Variants in PMEL observed in about 807,000 individuals in gnomAD.
The protein encoded by PMEL is melanocyte protein PMEL.
Under a neutral mutation model 64.9 loss-of-function variants are expected in PMEL, and 53 were observed. That is an observed-to-expected ratio of 0.82 (90% CI 0.66 to 1.03). The LOEUF is 1.03. PMEL is among the 50% of genes least tolerant of loss of function. The pLI is 0.00. For missense variants in PMEL, 716 were observed against 814.9 expected (o/e 0.88, Z 1.48); for synonymous variants, 299 against 316.2 (o/e 0.95, Z 0.58).
chr12:55,965,182 C>A (rs1329932604), intron 1 of PMEL, among the ~76,000 whole-genome samples: 1 of 152,182 alleles, frequency 6.6e-6, no homozygotes, highest in Non-Finnish European at 1.5e-5. Flanking sequence ...CTGCTTCAGC[C>A]TCCCAAAGTG....
chr12:55,957,096 C>T lies in PMEL; in HGVS notation c.1207G>A (p.Ala403Thr), dbSNP rs1218604268. 1.2e-6 allele frequency: 2 copies of T among 1,614,096 alleles called. No homozygotes were observed. The highest frequency in any genetic ancestry group is 2.2e-5 in the East Asian group (1 of 44,902). The change falls in exon 6 of 11, where the codon GCA becomes ACA. Residue 403 changes from alanine to threonine, a missense_variant. Ala to Thr is a moderately conservative substitution (Grantham distance 58). Coordinates refer to ENST00000548747, the MANE Select transcript of PMEL (RefSeq NM_001384361.1). The part of the protein sequence containing the change: ...STPEATGMTP[A>T]EVSIVVLSGT... ...GAAAGCACCACAATTGATACCTCTG[C>T]AGGTGTCATACCTGTAGCCTCTGGA... is the stretch of plus-strand genomic sequence containing the variant.
At chr12:55,963,726 G>A (rs1017427664) in intron 1 of PMEL, among the ~76,000 whole-genome samples, 1 of 152,148 alleles carries the variant, frequency 6.6e-6, no homozygotes, top group Non-Finnish European at 1.5e-5. Context: ...GCAGCACAGC[G>A]AGGAAAGTCA....
intron 6 of PMEL, 51 bp downstream of exon 6, chr12:55,956,893 CAGAGT>C: frequency 1.3e-6 from 2 of 1,565,924 alleles, no homozygotes; most frequent in Non-Finnish European, 1.7e-6. Flanking sequence ...GTAAGACTTA[CAGAGT>C]AGAGTAGGGT....
chr12:55,955,863 T>C lies in PMEL; in HGVS notation c.1472A>G (p.Gln491Arg). The change falls in exon 8 of 11, where the codon CAG becomes CGG. Residue 491 changes from glutamine to arginine, a missense_variant and splice_region_variant. By Grantham distance (43) the Gln-to-Arg change is conservative. Coordinates refer to ENST00000548747, the MANE Select transcript of PMEL (RefSeq NM_001384361.1). ...CAGGATCTCGGCACTTTCAATACCCTCTGCAGAGTTGCAAGCTTATCAAAT... is the reference window on the plus strand; with the variant it reads ...CAGGATCTCGGCACTTTCAATACCCCCTGCAGAGTTGCAAGCTTATCAAAT... ...GSFSVTLDIV[Q>R]GIESAEILQA... 2 of 1,613,334 alleles carry C rather than the reference T, an allele frequency of 1.2e-6. No homozygotes were observed. The highest frequency in any genetic ancestry group is 2.2e-5 in the South Asian group (2 of 91,060).
intron 1 of PMEL, among the ~76,000 whole-genome samples, chr12:55,965,434 A>G (rs1889262247): frequency 1.5e-5 from 1 of 68,654 alleles, no homozygotes; most frequent in African/African-American, 5.9e-5. Flanking sequence ...CACGAGGCCC[A>G]ATCCCCCAGA....
chr12:55,957,039 C>T lies in PMEL; in HGVS notation c.1264G>A (p.Glu422Lys), dbSNP rs1485732314. Residue 422 changes from glutamate (E) to lysine (K), a missense_variant, in exon 6 of 11, where the codon GAG becomes AAG. Physicochemically the swap from Glu to Lys is moderately conservative, Grantham distance 56. Coordinates refer to ENST00000548747, the MANE Select transcript of PMEL (RefSeq NM_001384361.1). ...GTTAAQVTTT[E>K]WVETTARELP... The stretch of plus-strand genomic sequence containing the variant: ...TCTCTAGCTGTGGTCTCCACCCACT[C>T]TGTAGTTGTTACCTGTGCAGCTGTG... 6.8e-6 allele frequency: 11 copies of T among 1,614,244 alleles called. No individual in the cohort carries two copies. The South Asian group carries it at 1.2e-4, about 18-fold the overall frequency.
At chr12:55,957,853 T>C in intron 5 of PMEL, 70 bp downstream of exon 5, 7 of 1,582,456 alleles carry the variant, frequency 4.4e-6, no homozygotes, top group Non-Finnish European at 6.0e-6. Flanking sequence ...CCTTTCTCCT[T>C]TCCAGTCCAT....
At chr12:55,958,947 A>AATTTT (rs1315532519) in intron 3 of PMEL, among the ~76,000 whole-genome samples, 1 of 151,596 alleles carries the variant, frequency 6.6e-6, no homozygotes, top group African/African-American at 2.4e-5. Context: ...ATACCCAGCT[A>AATTTT]ATTTTATTTT....
chr12:55,955,389 C>A, intron 9 of PMEL, 28 bp from the exon 10 acceptor site: 15 of 1,612,958 alleles, frequency 9.3e-6, no homozygotes, highest in Non-Finnish European at 1.3e-5. Flanking sequence ...GGCACTGCTT[C>A]ACTCAGTGTC....
At chr12:55,957,769 C>T (rs1465537198) in intron 5 of PMEL, 98 bp from the exon 6 acceptor site, 1 of 1,520,442 alleles carries the variant, frequency 6.6e-7, no homozygotes, top group Non-Finnish European at 8.9e-7. Context: ...GCTGGCCCTT[C>T]ACTGGCACTA....
chr12:55,966,454 C>T (rs2069393), upstream of PMEL: 6,104 of 188,690 alleles, frequency 0.032, 390 homozygotes, highest in African/African-American at 0.14. Flanking sequence ...ACGAGATTCC[C>T]GGCTTCCTGG....
chr12:55,963,156 CAA>C (rs1198724408), intron 1 of PMEL, among the ~76,000 whole-genome samples: 2 of 121,076 alleles, frequency 1.7e-5, no homozygotes, highest in Non-Finnish European at 1.8e-5. Context: ...GACTCCGTCT[CAA>C]AAAAAAAAAA....
In PMEL at chr12:55,955,262, T is replaced by A; in HGVS notation, c.1850+12A>T. On this transcript the variant is annotated intron_variant, in intron 10 of 10. Transcript: ENST00000548747. ...GGATAAGGGGGTCTGAGCTGTGTGA[T>A]GAGGCCCTTACCTATATATCAGAGA... 6.4e-7 allele frequency: 1 copy of A among 1,572,794 alleles called. No homozygotes were observed. The highest frequency in any genetic ancestry group is 8.7e-7 in the Non-Finnish European group (1 of 1,144,564).
At position 55,954,430 on chromosome 12, in the gene PMEL, C is replaced by T. The variant is rs1888757060; in HGVS notation, c.1851-81G>A. On this transcript the variant is annotated intron_variant, in intron 10 of 10. Transcript: ENST00000548747. ...TGCTTCTCCAAAGAAGGGAACACAC[C>T]CATATCCCAGTCTGCTTAGCCTTGA... The T allele has an allele frequency of 2.1e-6, 3 of 1,442,540 alleles. No individual in the cohort carries two copies. In the Admixed American group the frequency reaches 5.2e-5, roughly 25 times the overall value. 89.4% of individuals were successfully genotyped at this position (1,442,540 alleles called of 1,614,324 possible).
At chr12:55,958,985 G>A (rs1044638478) in intron 3 of PMEL, among the ~76,000 whole-genome samples, 7 of 151,048 alleles carry the variant, frequency 4.6e-5, no homozygotes, top group African/African-American at 1.5e-4. Flanking sequence ...TTGCTATATT[G>A]CCAGGACTGG....
At chr12:55,957,760 C>T in intron 5 of PMEL, 89 bp from the exon 6 acceptor site, 1 of 1,530,678 alleles carries the variant, frequency 6.5e-7, no homozygotes, top group African/African-American at 1.4e-5. Flanking sequence ...AGCTGACTGG[C>T]TGGCCCTTCA....
At chr12:55,958,765 G>C in intron 3 of PMEL, 158 bp from the exon 4 acceptor site, 1 of 726,552 alleles carries the variant, frequency 1.4e-6, no homozygotes, top group Non-Finnish European at 2.2e-6. Context: ...GTGGTAGTTG[G>C]GGGTTGAGGG....
In PMEL at chr12:55,955,263, G is replaced by T; in HGVS notation, c.1850+11C>A. On this transcript the variant is annotated intron_variant, in intron 10 of 10. Coordinates refer to ENST00000548747, the MANE Select transcript of PMEL (RefSeq NM_001384361.1). ...GATAAGGGGGTCTGAGCTGTGTGATGAGGCCCTTACCTATATATCAGAGAT... is the reference window on the plus strand; with the variant it reads ...GATAAGGGGGTCTGAGCTGTGTGATTAGGCCCTTACCTATATATCAGAGAT... 1 of 1,575,816 alleles carries T rather than the reference G, an allele frequency of 6.3e-7. No individual in the cohort carries two copies. The highest frequency in any genetic ancestry group is 8.7e-7 in the Non-Finnish European group (1 of 1,147,360).
chr12:55,963,797 G>A (rs182694622), intron 1 of PMEL, among the ~76,000 whole-genome samples: 16 of 152,150 alleles, frequency 1.1e-4, no homozygotes, highest in African/African-American at 3.1e-4. Flanking sequence ...AGCAGGGCTG[G>A]GATATAATGT....
Sources: allele counts gnomAD v4.1 joint callset (sites outside exome capture counted in the v4.1 genomes callset), GRCh38; gene constraint gnomAD v4.1.1; transcripts MANE v1.5; gene names NCBI Gene and HGNC (gene_info 2026-07-23, HGNC 2026-07-21).